Variants in GRID2 observed in about 807,000 individuals in gnomAD.
GRID2 encodes the protein glutamate receptor ionotropic, delta-2.
In GRID2, 33 loss-of-function variants were observed where a neutral mutation model predicts 114.8. That is an observed-to-expected ratio of 0.29 (90% CI 0.22 to 0.38). The LOEUF (loss-of-function observed/expected upper bound fraction) is 0.38, where lower values mean the gene tolerates loss of function less well. Among genes scored for constraint, GRID2 ranks in the 10% least tolerant of loss-of-function variants. The pLI is 1.00. For synonymous variants in GRID2, 505 were observed against 449.9 expected, an observed-to-expected ratio of 1.12 and a Z score of -1.55; for missense variants, 1,184 against 1,257.7, an observed-to-expected ratio of 0.94 and a Z score of 0.89.
At chr4:92,713,694 T>G (rs1348966923) in intron 2 of GRID2, among the ~76,000 whole-genome samples, 1 of 151,544 alleles carries the variant, frequency 6.6e-6, no homozygotes, top group Non-Finnish European at 1.5e-5. Context: ...GCACATTTCA[T>G]GTGATGGCAG....
chr4:92,429,862 A>G (rs1307144079), intron 1 of GRID2, among the ~76,000 whole-genome samples: 1 of 152,130 alleles, frequency 6.6e-6, no homozygotes, highest in Non-Finnish European at 1.5e-5. Context: ...AATGATATGG[A>G]GCACCTTTTC....
chr4:93,545,183 G>T (rs1049829925), intron 13 of GRID2, among the ~76,000 whole-genome samples: 5 of 152,104 alleles, frequency 3.3e-5, no homozygotes, highest in African/African-American at 1.2e-4. Context: ...CAGGTGCAGA[G>T]GCAGATAACA....
chr4:93,051,015 G>A (rs1300753659), intron 2 of GRID2, among the ~76,000 whole-genome samples: 1 of 151,998 alleles, frequency 6.6e-6, no homozygotes, highest in East Asian at 1.9e-4. Context: ...ATTTTCAGCT[G>A]TGAGTAAACA....
At chr4:93,004,833 T>C (rs1396498966) in intron 2 of GRID2, among the ~76,000 whole-genome samples, 1 of 152,088 alleles carries the variant, frequency 6.6e-6, no homozygotes, top group Non-Finnish European at 1.5e-5. Flanking sequence ...TCTGTCCTTA[T>C]ATTATATTAG....
At chr4:92,544,907 A>G (rs1726166146) in intron 1 of GRID2, among the ~76,000 whole-genome samples, 1 of 151,990 alleles carries the variant, frequency 6.6e-6, no homozygotes, top group Admixed American at 6.6e-5. Context: ...AATGACAGGG[A>G]TTTATTTATT....
intron 2 of GRID2, among the ~76,000 whole-genome samples, chr4:92,789,441 A>G (rs1196572930): frequency 6.6e-6 from 1 of 151,776 alleles, no homozygotes; most frequent in East Asian, 1.9e-4. Flanking sequence ...CACACGTTAG[A>G]TTATCTTACT....
intron 1 of GRID2, among the ~76,000 whole-genome samples, chr4:92,471,495 T>A (rs541271020): frequency 1.3e-5 from 2 of 152,112 alleles, no homozygotes; most frequent in South Asian, 4.1e-4. Context: ...TATATCATAC[T>A]GCCTGGTATA....
intron 1 of GRID2, among the ~76,000 whole-genome samples, chr4:92,315,642 C>A (rs1277665710): frequency 6.6e-6 from 1 of 152,030 alleles, no homozygotes; most frequent in African/African-American, 2.4e-5. Context: ...AATCCAAAGA[C>A]CAGGTAATAC....
intron 1 of GRID2, among the ~76,000 whole-genome samples, chr4:92,584,855 G>C (rs550285532): frequency 1.3e-5 from 2 of 152,054 alleles, no homozygotes; most frequent in South Asian, 4.1e-4. Context: ...TCTACATCTT[G>C]TAACCTTTGG....
At chr4:92,932,174 G>A (rs140591596) in intron 2 of GRID2, among the ~76,000 whole-genome samples, 3 of 151,062 alleles carry the variant, frequency 2.0e-5, no homozygotes, top group Admixed American at 6.6e-5. Context: ...AACTGTCAAA[G>A]AATTTTTATC....
chr4:92,723,843 C>A (rs539355940), intron 2 of GRID2, among the ~76,000 whole-genome samples: 1 of 152,108 alleles, frequency 6.6e-6, no homozygotes, highest in Non-Finnish European at 1.5e-5. Context: ...ACAACAAAGT[C>A]GGCTACTTCT....
At chr4:93,450,889 TAAATC>T (rs1178292321) in intron 10 of GRID2, among the ~76,000 whole-genome samples, 1 of 151,960 alleles carries the variant, frequency 6.6e-6, no homozygotes, top group Non-Finnish European at 1.5e-5. Flanking sequence ...AATATACTGA[TAAATC>T]AAGAACCTTA....
intron 14 of GRID2, among the ~76,000 whole-genome samples, chr4:93,745,325 A>G (rs1270031809): frequency 6.6e-6 from 1 of 152,218 alleles, no homozygotes; most frequent in Non-Finnish European, 1.5e-5. Flanking sequence ...AGAAAAAAAG[A>G]GAGAATAGAA....
intron 13 of GRID2, among the ~76,000 whole-genome samples, chr4:93,578,585 G>GTTTTTTGTTTTTTT (rs1736642083): frequency 8.7e-6 from 1 of 115,260 alleles, no homozygotes; most frequent in Non-Finnish European, 1.8e-5. Flanking sequence ...CTTGTTTTTT[G>GTTTTTTGTTTTTTT]TATTTTTTTT....
chr4:93,128,999 T>C (rs564786744), intron 4 of GRID2, among the ~76,000 whole-genome samples: 6 of 152,300 alleles, frequency 3.9e-5, no homozygotes, highest in African/African-American at 7.2e-5. Context: ...TTGATTGCCA[T>C]GAAAGCAAAC....
At chr4:93,791,573 C>T (rs1007465302) in intron 1 of GRID2, among the ~76,000 whole-genome samples, 33 of 152,034 alleles carry the variant, frequency 2.2e-4, no homozygotes, top group African/African-American at 7.5e-4. Flanking sequence ...AGGTTTTATC[C>T]ACTAAAAATG....
At chr4:92,885,626 AC>A (rs1302876723) in intron 2 of GRID2, among the ~76,000 whole-genome samples, 8 of 152,114 alleles carry the variant, frequency 5.3e-5, no homozygotes, top group African/African-American at 1.7e-4. Flanking sequence ...ACATGTTCTT[AC>A]CCCCGTTTTT....
chr4:93,274,998 A>G (rs1751889764), intron 8 of GRID2, among the ~76,000 whole-genome samples: 1 of 152,006 alleles, frequency 6.6e-6, no homozygotes, highest in African/African-American at 2.4e-5. Context: ...TTCAACCCTC[A>G]GGGCTATCTA....
intron 1 of GRID2, among the ~76,000 whole-genome samples, chr4:92,370,084 T>C (rs756173421): frequency 2.0e-5 from 3 of 152,128 alleles, no homozygotes; most frequent in African/African-American, 4.8e-5. Context: ...ACCAACAACA[T>C]GTGCTCACTT....
Sources: gnomAD v4.1 joint callset for allele counts (sites outside exome capture counted in the v4.1 genomes callset) on GRCh38, gnomAD v4.1.1 for gene constraint, MANE v1.5 for transcripts, NCBI Gene and HGNC (gene_info 2026-07-23, HGNC 2026-07-21) for gene names.